Variants in ERCC6L2 observed in about 807,000 individuals in gnomAD.
The protein encoded by ERCC6L2 is DNA excision repair protein ERCC-6-like 2.
Under a neutral mutation model 132.0 loss-of-function variants are expected in ERCC6L2, and 77 were observed. The observed-to-expected ratio is 0.58, with a 90% CI of 0.49 to 0.71. The LOEUF is 0.71. Ranked by LOEUF, ERCC6L2 falls within the 30% of genes least tolerant of loss-of-function variation. The pLI is 0.00. For missense variants in ERCC6L2, 1,542 were observed against 1,837.6 expected (o/e 0.84, Z 2.94); for synonymous variants, 583 against 632.4 (o/e 0.92, Z 1.17).
chr9:95,932,045 C>T (rs1830362536), intron 11 of ERCC6L2, among the ~76,000 whole-genome samples: 1 of 150,850 alleles, frequency 6.6e-6, no homozygotes, highest in African/African-American at 2.4e-5. Context: ...TGTCATTTTT[C>T]GATCTTATTA....
At chr9:96,008,245 G>A (rs1833923992) in intron 18 of ERCC6L2, among the ~76,000 whole-genome samples, 2 of 152,148 alleles carry the variant, frequency 1.3e-5, no homozygotes, top group African/African-American at 4.8e-5. Context: ...TTCAATGTCA[G>A]TGCAACTTTA....
intron 19 of ERCC6L2, among the ~76,000 whole-genome samples, chr9:96,038,169 T>G (rs759941924): frequency 1.2e-4 from 18 of 152,066 alleles, no homozygotes; most frequent in Non-Finnish European, 1.9e-4. Flanking sequence ...GATTATTATT[T>G]TGTTTTAGCT....
At position 96,015,971 on chromosome 9, in the gene ERCC6L2, G is replaced by A. The variant is rs573423805; in HGVS notation, c.*2768G>A. ...TATGAAAAGGAGCCTGTTTCAGAAC[G>A]GAAACTGTCAGGTGGAGTGGACTCC... On this transcript the variant is annotated 3_prime_UTR_variant, in exon 19 of 19. Coordinates refer to ENST00000653738, the MANE Select transcript of ERCC6L2 (RefSeq NM_020207.7). Among the ~76,000 whole-genome samples the A allele has an allele frequency of 5.5e-4, 83 of 152,258 alleles. No homozygotes were observed. The highest frequency in any genetic ancestry group is 1.0e-3 in the South Asian group (5 of 4,818).
intron 15 of ERCC6L2, 116 bp downstream of exon 15, chr9:95,970,772 A>G: frequency 3.4e-6 from 2 of 581,992 alleles, no homozygotes; most frequent in South Asian, 5.0e-5. Flanking sequence ...ATTAAGAGTC[A>G]AGGACACAAA....
chr9:95,972,000 C>G lies in ERCC6L2; in HGVS notation c.2249C>G (p.Ala750Gly). ...EQAAEPLAKE[A>G]CDLCSDFSDE... is the part of the protein sequence containing the mutation. ...GCTGCAGAGCCACTGGCAAAGGAAG[C>G]ATGTGATCTCTGCAGTGACTTCAGT... The change falls in exon 16 of 19, where the codon GCA becomes GGA. Residue 750 changes from alanine (A) to glycine (G), a missense_variant. Physicochemically the swap from Ala to Gly is moderately conservative, Grantham distance 60 (BLOSUM62 0). Around this residue, in one of 4 missense-constraint regions of ERCC6L2, gnomAD observed 945 missense variants for 1,105.2 expected, o/e 0.86. Coordinates refer to ENST00000653738, the MANE Select transcript of ERCC6L2 (RefSeq NM_020207.7). 7.7e-7 allele frequency: 1 copy of G among 1,304,130 alleles called. No homozygotes were observed. The highest frequency in any genetic ancestry group is 1.2e-5 in the South Asian group (1 of 80,994). 80.8% of individuals were successfully genotyped at this position (1,304,130 alleles called of 1,614,324 possible).
At chr9:95,929,025 A>C in intron 11 of ERCC6L2, 161 bp downstream of exon 11, 1 of 487,768 alleles carries the variant, frequency 2.1e-6, no homozygotes, top group Non-Finnish European at 3.5e-6. Context: ...AGTTTTAGCT[A>C]AGCTTTTCTC....
At chr9:96,031,390 A>G (rs1248866440) in intron 19 of ERCC6L2, among the ~76,000 whole-genome samples, 3 of 152,216 alleles carry the variant, frequency 2.0e-5, no homozygotes, top group Non-Finnish European at 4.4e-5. Context: ...TTCCTTGTAT[A>G]CCAAGGGCAC....
chr9:95,966,544 G>T lies in ERCC6L2; in HGVS notation c.1948-18G>T. 6.9e-7 allele frequency: 1 copy of T among 1,448,056 alleles called. No individual in the cohort carries two copies. The highest frequency in any genetic ancestry group is 9.2e-7 in the Non-Finnish European group (1 of 1,081,672). The allele number at this position is 1,448,056 out of a possible 1,614,324, so 89.7% of individuals were successfully genotyped here. Reference sequence around the variant, plus strand: ...GGAGCAAACACTTCAAAAATGTCTTGTGTTTTTTCTGTTTTAGCAACTTCA... The same window carrying T: ...GGAGCAAACACTTCAAAAATGTCTTTTGTTTTTTCTGTTTTAGCAACTTCA... On this transcript the variant is annotated intron_variant, in intron 13 of 18. Coordinates refer to ENST00000653738, the MANE Select transcript of ERCC6L2 (RefSeq NM_020207.7).
chr9:95,922,478 T>TA, intron 8 of ERCC6L2, 60 bp downstream of exon 8: 1 of 967,042 alleles, frequency 1.0e-6, no homozygotes, highest in Non-Finnish European at 1.5e-6. Flanking sequence ...TTATAAAGTT[T>TA]TAAAATAGTT....
Position 96,012,226 on chromosome 9 carries a change from A to C in ERCC6L2, c.3676A>C (p.Lys1226Gln), listed in dbSNP as rs937497005. 1 of 1,247,232 alleles carries C rather than the reference A, an allele frequency of 8.0e-7. No individual in the cohort carries two copies. Among genetic ancestry groups the C allele is most frequent in the South Asian group, 1.4e-5 (1 of 70,252 alleles). The allele number at this position is 1,247,232 out of a possible 1,614,324, so 77.3% of individuals were successfully genotyped here. A position where few individuals can be genotyped will look rare whatever the true frequency, so the allele number is the denominator to read the frequency against. ...TAGTTTTGTTCATTTAATCTTTAGA[A>C]AACAATTTGAAGAAATGGCCTCTTA... ...IGETPKGIRRKQFEEMASYFN... is the reference protein window; with the variant it reads ...IGETPKGIRRQQFEEMASYFN... Residue 1226 changes from lysine to glutamine, a missense_variant and splice_region_variant, in exon 19 of 19, where the codon AAA (lysine) becomes CAA (glutamine). Transcript: ENST00000653738.
intron 13 of ERCC6L2, among the ~76,000 whole-genome samples, chr9:95,957,943 T>C (rs1314826535): frequency 1.3e-5 from 2 of 151,648 alleles, no homozygotes; most frequent in African/African-American, 4.8e-5. Flanking sequence ...TAGTTACATA[T>C]GTATACATGT....
chr9:96,034,769 G>C (rs1477505394), intron 19 of ERCC6L2, among the ~76,000 whole-genome samples: 1 of 151,726 alleles, frequency 6.6e-6, no homozygotes, highest in East Asian at 1.9e-4. Flanking sequence ...CCACCCTCCT[G>C]GATGGGACTA....
chr9:95,999,651 A>G (rs1833590769), intron 17 of ERCC6L2, among the ~76,000 whole-genome samples: 1 of 151,830 alleles, frequency 6.6e-6, no homozygotes, highest in Non-Finnish European at 1.5e-5. Flanking sequence ...TGAGGATGGT[A>G]TTTTCTTTAT....
chr9:95,966,077 C>T (rs1832139876), intron 13 of ERCC6L2, among the ~76,000 whole-genome samples: 1 of 152,108 alleles, frequency 6.6e-6, no homozygotes, highest in Non-Finnish European at 1.5e-5. Context: ...TTTCTTAAAA[C>T]AGTGATAGGG....
intron 20 of ERCC6L2, among the ~76,000 whole-genome samples, chr9:96,040,195 G>T (rs1361828699): frequency 2.0e-5 from 3 of 151,764 alleles, no homozygotes; most frequent in African/African-American, 7.2e-5. Context: ...ATTCCCTGGG[G>T]ACCTCCCAGC....
chr9:95,895,350 A>G (rs1828396627), intron 2 of ERCC6L2, among the ~76,000 whole-genome samples: 1 of 152,156 alleles, frequency 6.6e-6, no homozygotes, highest in Non-Finnish European at 1.5e-5. Context: ...AATGACAAGG[A>G]AATATATTTT....
At chr9:95,921,554 C>T (rs1196949600) in intron 7 of ERCC6L2, among the ~76,000 whole-genome samples, 2 of 151,978 alleles carry the variant, frequency 1.3e-5, no homozygotes, top group Non-Finnish European at 2.9e-5. Flanking sequence ...TTTTGATATC[C>T]TCCATTTTAG....
At chr9:95,957,488 G>A (rs570686539) in intron 13 of ERCC6L2, among the ~76,000 whole-genome samples, 2 of 151,066 alleles carry the variant, frequency 1.3e-5, no homozygotes, top group South Asian at 4.2e-4. Context: ...TTGGGAAAAA[G>A]TGGGAAGTTA....
chr9:95,925,015 A>G (rs1830042439), intron 9 of ERCC6L2, among the ~76,000 whole-genome samples: 1 of 152,192 alleles, frequency 6.6e-6, no homozygotes, highest in Non-Finnish European at 1.5e-5. Flanking sequence ...TCATAGAATC[A>G]TTGCCTATGG....
Sources: gnomAD v4.1 joint callset for allele counts (sites outside exome capture counted in the v4.1 genomes callset) on GRCh38, gnomAD v4.1.1 for gene constraint, gnomAD v4.1.1 regional missense constraint, MANE v1.5 for transcripts, NCBI Gene and HGNC (gene_info 2026-07-23, HGNC 2026-07-21) for gene names.